The following SLC24A2 variants were observed in gnomAD, a reference collection of about 807,000 sequenced individuals.
SLC24A2 encodes solute carrier family 24 member 2, also known as sodium/potassium/calcium exchanger 2.
Under a neutral mutation model 62.0 loss-of-function variants are expected in SLC24A2, and 36 were observed. That is an observed-to-expected ratio of 0.58 (90% CI 0.44 to 0.77). SLC24A2 has a LOEUF of 0.77. SLC24A2 is among the 30% of genes least tolerant of loss of function. The pLI is 0.00. For synonymous variants in SLC24A2, 358 were observed against 294.0 expected (o/e 1.22, Z -2.23); for missense variants, 846 against 817.9 (o/e 1.03, Z -0.42).
chr9:20,077,925 C>T, the SLC24A2 span, among the ~76,000 whole-genome samples: 10 of 152,148 alleles, frequency 6.6e-5, no homozygotes, highest in African/African-American at 2.4e-4. Flanking sequence ...ATCATAGATG[C>T]AAACTAAATT....
chr9:19,869,274 C>G, the SLC24A2 span, among the ~76,000 whole-genome samples: 1 of 152,312 alleles, frequency 6.6e-6, no homozygotes, highest in East Asian at 1.9e-4. Context: ...AGCTACTGCA[C>G]CCAGTCTATT....
chr9:20,003,374 G>C, the SLC24A2 span, among the ~76,000 whole-genome samples: 1 of 152,162 alleles, frequency 6.6e-6, no homozygotes, highest in Non-Finnish European at 1.5e-5. Flanking sequence ...AGAGAGAAAT[G>C]CACCACTGTA....
At chr9:20,288,479 G>C in the SLC24A2 span, among the ~76,000 whole-genome samples, 1 of 152,088 alleles carries the variant, frequency 6.6e-6, no homozygotes, top group Admixed American at 6.5e-5. Flanking sequence ...ATAGAATACA[G>C]TGGAAAGGGC....
the SLC24A2 span, among the ~76,000 whole-genome samples, chr9:20,069,961 C>T: frequency 5.3e-5 from 8 of 152,308 alleles, no homozygotes; most frequent in Non-Finnish European, 7.4e-5. Context: ...ATCTACACAA[C>T]TTACTGTCTA....
At chr9:20,113,671 T>G in the SLC24A2 span, among the ~76,000 whole-genome samples, 1 of 152,152 alleles carries the variant, frequency 6.6e-6, no homozygotes, top group East Asian at 1.9e-4. Context: ...TCTGAACACG[T>G]TGTGAAATGC....
chr9:19,928,617 A>G, the SLC24A2 span: 64 of 152,332 alleles, frequency 4.2e-4, no homozygotes, highest in African/African-American at 1.5e-3. Flanking sequence ...ATTTATAATA[A>G]TTACAATCAT....
the SLC24A2 span, among the ~76,000 whole-genome samples, chr9:20,042,368 T>G: frequency 6.6e-6 from 1 of 152,206 alleles, no homozygotes; most frequent in Non-Finnish European, 1.5e-5. Flanking sequence ...CATCAAGGAT[T>G]TCATTTGCAT....
intron 2 of SLC24A2, among the ~76,000 whole-genome samples, chr9:19,637,451 C>G (rs1376542769): frequency 2.6e-5 from 4 of 152,130 alleles, no homozygotes; most frequent in Non-Finnish European, 5.9e-5. Flanking sequence ...CTTTGGTAGT[C>G]TTGAGGGTGG....
chr9:19,561,153 C>T (rs924312899), intron 7 of SLC24A2, among the ~76,000 whole-genome samples: 2 of 151,962 alleles, frequency 1.3e-5, no homozygotes, highest in African/African-American at 2.4e-5. Context: ...TGGTCTTGAA[C>T]TCTTGACCTC....
At chr9:19,838,956 C>G in the SLC24A2 span, among the ~76,000 whole-genome samples, 1 of 151,962 alleles carries the variant, frequency 6.6e-6, no homozygotes, top group Non-Finnish European at 1.5e-5. Context: ...AACAGGCAAC[C>G]TACAGAATGG....
the SLC24A2 span, among the ~76,000 whole-genome samples, chr9:20,295,686 C>A: frequency 2.0e-5 from 3 of 152,208 alleles, no homozygotes; most frequent in African/African-American, 4.8e-5. Context: ...GAAATTCAGG[C>A]TCTGAGCTCT....
At chr9:19,785,610 A>G (rs1823140914) in intron 2 of SLC24A2, among the ~76,000 whole-genome samples, 1 of 152,244 alleles carries the variant, frequency 6.6e-6, no homozygotes, top group South Asian at 2.1e-4. Flanking sequence ...ATGAAAATTA[A>G]ATTGTTCACA....
At chr9:19,591,852 T>C (rs559227043) in intron 5 of SLC24A2, among the ~76,000 whole-genome samples, 6 of 152,342 alleles carry the variant, frequency 3.9e-5, no homozygotes, top group Admixed American at 3.3e-4. Context: ...TTCTGCTATA[T>C]ATAGCTAAAG....
At chr9:19,990,851 C>CAA in the SLC24A2 span, among the ~76,000 whole-genome samples, 125 of 126,530 alleles carry the variant, frequency 9.9e-4, no homozygotes, top group Admixed American at 2.3e-3. Flanking sequence ...TCTTGGTTAT[C>CAA]AAAAAAAAAA....
chr9:19,919,706 C>A, the SLC24A2 span, among the ~76,000 whole-genome samples: 1 of 152,162 alleles, frequency 6.6e-6, no homozygotes, highest in Non-Finnish European at 1.5e-5. Flanking sequence ...AGGAAACTTA[C>A]AATCATGGCA....
At chr9:19,962,622 G>A in the SLC24A2 span, among the ~76,000 whole-genome samples, 1 of 152,142 alleles carries the variant, frequency 6.6e-6, no homozygotes, top group South Asian at 2.1e-4. Flanking sequence ...TCTCTTTGAA[G>A]CAATTGTGAA....
chr9:20,074,267 C>A, the SLC24A2 span, among the ~76,000 whole-genome samples: 1 of 151,882 alleles, frequency 6.6e-6, no homozygotes, highest in African/African-American at 2.4e-5. Context: ...TTCCTTCACA[C>A]CTCCAGGGAA....
At chr9:20,120,226 T>C in the SLC24A2 span, among the ~76,000 whole-genome samples, 1 of 152,204 alleles carries the variant, frequency 6.6e-6, no homozygotes, top group Non-Finnish European at 1.5e-5. Flanking sequence ...ATCAGATTTT[T>C]ACTTTATGGT....
At chr9:19,533,286 A>C (rs1277398730) in intron 8 of SLC24A2, among the ~76,000 whole-genome samples, 1 of 152,188 alleles carries the variant, frequency 6.6e-6, no homozygotes, top group Non-Finnish European at 1.5e-5. Context: ...AATATGTATT[A>C]GTTAATTTTT....
Sources: allele counts gnomAD v4.1 joint callset (sites outside exome capture counted in the v4.1 genomes callset), GRCh38; gene constraint gnomAD v4.1.1; transcripts MANE v1.5; gene names NCBI Gene and HGNC (gene_info 2026-07-23, HGNC 2026-07-21).